Variants in JMY observed in about 807,000 individuals in gnomAD.
The protein encoded by JMY is junction mediating and regulatory protein, p53 cofactor, also known as junction-mediating and -regulatory protein.
Under a neutral mutation model 103.3 loss-of-function variants are expected in JMY, and 46 were observed. The observed-to-expected ratio is 0.45, with a 90% CI of 0.35 to 0.57. The LOEUF is 0.57. JMY is among the 20% of genes least tolerant of loss of function. JMY has a pLI of 0.00. For missense variants in JMY, 1,238 were observed against 1,255.2 expected, an observed-to-expected ratio of 0.99 and a Z score of 0.21; for synonymous variants, 526 against 489.3, an observed-to-expected ratio of 1.07 and a Z score of -0.99.
chr5:79,311,690 G>A (rs865861997), intron 7 of JMY, among the ~76,000 whole-genome samples: 8 of 152,150 alleles, frequency 5.3e-5, no homozygotes, highest in South Asian at 4.1e-4. Context: ...ACTCTATAGG[G>A]AAAATTAAAA....
chr5:79,277,694 A>G (rs1009612536), intron 1 of JMY, among the ~76,000 whole-genome samples: 13 of 152,048 alleles, frequency 8.5e-5, no homozygotes, highest in Admixed American at 7.2e-4. Flanking sequence ...TAAGCTCAAT[A>G]CTTTGAGCCT....
intron 1 of JMY, among the ~76,000 whole-genome samples, chr5:79,263,795 G>T (rs1745496892): frequency 6.6e-6 from 1 of 150,786 alleles, no homozygotes; most frequent in Non-Finnish European, 1.5e-5. Context: ...GTGCCACCAT[G>T]TCCGTCTTTT....
intron 1 of JMY, among the ~76,000 whole-genome samples, chr5:79,240,737 AT>A (rs1744712534): frequency 2.6e-5 from 4 of 152,172 alleles, no homozygotes; most frequent in Admixed American, 2.6e-4. Context: ...GGTGTGATTG[AT>A]TGGTGATGTC....
chr5:79,304,292 A>C (rs1190868666), intron 6 of JMY, among the ~76,000 whole-genome samples: 1 of 152,180 alleles, frequency 6.6e-6, no homozygotes, highest in Non-Finnish European at 1.5e-5. Flanking sequence ...AGCTACTGAG[A>C]AGATCAAATA....
chr5:79,270,433 A>G (rs1021348934), intron 1 of JMY, among the ~76,000 whole-genome samples: 1 of 80,806 alleles, frequency 1.2e-5, no homozygotes, highest in Non-Finnish European at 2.7e-5. Context: ...ATTTACATAA[A>G]TATTTAAAAT....
Position 79,314,780 on chromosome 5 carries a change from T to C in JMY, c.2588T>C (p.Phe863Ser), listed in dbSNP as rs762090470. The C allele has an allele frequency of 6.2e-7, 1 of 1,612,956 alleles. No homozygotes were observed. Residue 863 changes from phenylalanine to serine, a missense_variant, in exon 9 of 11, where the codon TTT becomes TCT. Physicochemically the swap from Phe to Ser is radical, Grantham distance 155. Transcript: ENST00000396137. Reference sequence around the variant, plus strand: ...GCCAGTGCCCCCTCAGCACACCTCTTTGACAGCAGCCAGCTGGTCAGTGCA... The same window carrying C: ...GCCAGTGCCCCCTCAGCACACCTCTCTGACAGCAGCCAGCTGGTCAGTGCA... Reference protein sequence around the residue: ...KSASAPSAHLFDSSQLVSARK... With the variant: ...KSASAPSAHLSDSSQLVSARK...
chr5:79,262,313 G>A (rs1745449862), intron 1 of JMY, among the ~76,000 whole-genome samples: 1 of 152,102 alleles, frequency 6.6e-6, no homozygotes, highest in Non-Finnish European at 1.5e-5. Context: ...ATTCCTTTTA[G>A]TCTTTTATAT....
intron 7 of JMY, among the ~76,000 whole-genome samples, chr5:79,307,100 C>T (rs1342699734): frequency 6.6e-6 from 1 of 152,158 alleles, no homozygotes; most frequent in African/African-American, 2.4e-5. Context: ...ATTTTAACAC[C>T]AAATAATGTT....
rs1430581212 is a variant in JMY, at chr5:79,324,632, T to C, written c.*3030T>C. ...AATTATTTAAAATCATTGTGTATAT[T>C]ACAGCAGTATGAGGAATGCCTGGCT... On this transcript the variant is annotated 3_prime_UTR_variant, in exon 11 of 11. Coordinates refer to ENST00000396137, the MANE Select transcript of JMY (RefSeq NM_152405.5). 1 of 152,214 alleles carries C rather than the reference T, an allele frequency of 6.6e-6. No individual in the cohort carries two copies. Among genetic ancestry groups the C allele is most frequent in the African/African-American group, 2.4e-5 (1 of 41,468 alleles). 9.4% of individuals were successfully genotyped at this position (152,214 alleles called of 1,614,324 possible).
intron 1 of JMY, among the ~76,000 whole-genome samples, chr5:79,254,455 G>A: frequency 6.6e-6 from 1 of 152,172 alleles, no homozygotes; most frequent in Non-Finnish European, 1.5e-5. Context: ...TTTTCTTTCA[G>A]CACTTTATGT....
chr5:79,269,699 A>G (rs1745685186), intron 1 of JMY, among the ~76,000 whole-genome samples: 1 of 151,912 alleles, frequency 6.6e-6, no homozygotes, highest in Non-Finnish European at 1.5e-5. Context: ...TAACATTTGG[A>G]ATTTTTTTTG....
At chr5:79,243,798 A>T (rs891718765) in intron 1 of JMY, among the ~76,000 whole-genome samples, 1 of 152,182 alleles carries the variant, frequency 6.6e-6, no homozygotes, top group African/African-American at 2.4e-5. Context: ...GTACTTTTAG[A>T]CAGTTTTTTG....
intron 1 of JMY, among the ~76,000 whole-genome samples, chr5:79,263,138 T>C (rs920293482): frequency 6.6e-6 from 1 of 152,180 alleles, no homozygotes; most frequent in African/African-American, 2.4e-5. Flanking sequence ...TTTAACACTT[T>C]TGCTATTCCT....
At chr5:79,278,149 C>A in intron 2 of JMY, 66 bp downstream of exon 2, 1 of 1,092,010 alleles carries the variant, frequency 9.2e-7, no homozygotes, top group Non-Finnish European at 1.3e-6. Flanking sequence ...AAAGGCCATG[C>A]GTTATCCACA....
At chr5:79,261,596 C>G (rs752525343) in intron 1 of JMY, among the ~76,000 whole-genome samples, 38 of 152,070 alleles carry the variant, frequency 2.5e-4, no homozygotes, top group Non-Finnish European at 5.0e-4. Context: ...CAGACAAAGG[C>G]GTGAATTACT....
chr5:79,271,166 A>T (rs1271649886), intron 1 of JMY, among the ~76,000 whole-genome samples: 2 of 151,386 alleles, frequency 1.3e-5, no homozygotes, highest in Non-Finnish European at 2.9e-5. Flanking sequence ...CACAGGGTCA[A>T]GCAAGTCTCC....
intron 1 of JMY, among the ~76,000 whole-genome samples, chr5:79,258,884 T>G (rs1477829688): frequency 6.6e-6 from 1 of 152,186 alleles, no homozygotes; most frequent in African/African-American, 2.4e-5. Flanking sequence ...CCTGTTTGTG[T>G]TACAGCTCTT....
At chr5:79,259,132 T>A (rs1002666585) in intron 1 of JMY, among the ~76,000 whole-genome samples, 33 of 152,280 alleles carry the variant, frequency 2.2e-4, no homozygotes, top group Non-Finnish European at 3.7e-4. Flanking sequence ...CCATCATTTC[T>A]TCAGCTCTCA....
intron 1 of JMY, among the ~76,000 whole-genome samples, chr5:79,248,959 C>A (rs763897417): frequency 1.3e-5 from 2 of 152,128 alleles, no homozygotes; most frequent in African/African-American, 2.4e-5. Flanking sequence ...GAAGAGGTCT[C>A]ACTGTGTCAC....
Sources: allele counts gnomAD v4.1 joint callset (sites outside exome capture counted in the v4.1 genomes callset), GRCh38; gene constraint gnomAD v4.1.1; transcripts MANE v1.5; gene names NCBI Gene and HGNC (gene_info 2026-07-23, HGNC 2026-07-21).